ZC3H18: variants seen among roughly 807,000 people sequenced by gnomAD.
The protein encoded by ZC3H18 is zinc finger CCCH domain-containing protein 18.
In ZC3H18, 8 loss-of-function variants were observed where a neutral mutation model predicts 106.1. That is an observed-to-expected ratio of 0.08 (90% CI 0.04 to 0.14). The LOEUF (loss-of-function observed/expected upper bound fraction) is 0.14. Among genes scored for constraint, ZC3H18 ranks in the 10% least tolerant of loss-of-function variants. The pLI is 1.00. For synonymous variants in ZC3H18, 635 were observed against 522.1 expected (o/e 1.22, Z -2.95); for missense variants, 1,318 against 1,278.4 (o/e 1.03, Z -0.47).
chr16:88,631,432 G>A lies in ZC3H18; in HGVS notation c.*133G>A. On this transcript the variant is annotated 3_prime_UTR_variant, in exon 18 of 18. Transcript: ENST00000301011. ...AAAAAGAAAAAAAAGTTTCTCAGCTGGAAAAGAAGCCACACAGGAAATGAC... is the reference window on the plus strand; with the variant it reads ...AAAAAGAAAAAAAAGTTTCTCAGCTAGAAAAGAAGCCACACAGGAAATGAC... 7.8e-7 allele frequency: 1 copy of A among 1,276,870 alleles called. No homozygotes were observed. The highest frequency in any genetic ancestry group is 1.4e-5 in the South Asian group (1 of 72,914). The allele number at this position is 1,276,870 out of a possible 1,614,324, so 79.1% of individuals were successfully genotyped here. A position where few individuals can be genotyped will look rare whatever the true frequency, so the allele number is the denominator to read the frequency against.
intron 1 of ZC3H18, among the ~76,000 whole-genome samples, chr16:88,571,047 C>T (rs939098766): frequency 2.7e-4 from 41 of 152,206 alleles, no homozygotes; most frequent in African/African-American, 9.2e-4. Context: ...AGGTTGGGCG[C>T]AGTGATTGCC....
Position 88,592,669 on chromosome 16 carries a change from TTG to T in ZC3H18, c.689-5505_689-5504del, listed in dbSNP as rs752447946. Among the ~76,000 whole-genome samples, 4 of 152,194 alleles carry T rather than the reference TTG, an allele frequency of 2.6e-5. No homozygotes were observed. The South Asian group carries it at 8.3e-4, about 32-fold the overall frequency. Reference sequence around the variant, plus strand: ...TTTGTATTTTAGTAGTGGCTAAATTTTGTGTTTCAGTTGGTCAGGCTGGTCTC... The same window carrying T: ...TTTGTATTTTAGTAGTGGCTAAATTTTGTTTCAGTTGGTCAGGCTGGTCTC... On this transcript the variant is annotated intron_variant, in intron 3 of 17. Coordinates refer to ENST00000301011, the MANE Select transcript of ZC3H18 (RefSeq NM_144604.4).
chr16:88,614,939 A>G (rs975535846), intron 8 of ZC3H18, among the ~76,000 whole-genome samples: 15 of 148,790 alleles, frequency 1.0e-4, no homozygotes, highest in African/African-American at 2.2e-4. Context: ...CATTTCCTCC[A>G]TTCCGTCTGC....
chr16:88,617,721 C>G (rs1053160832), intron 8 of ZC3H18, among the ~76,000 whole-genome samples: 26 of 152,234 alleles, frequency 1.7e-4, no homozygotes, highest in African/African-American at 6.3e-4. Context: ...GCACTCGCCC[C>G]CCAGCACCTA....
chr16:88,627,507 C>A lies in ZC3H18; in HGVS notation c.2109-115C>A. ...CAGTGTCCCCCCAAAATCACACATT[C>A]CGTGGGTACATGATCCATAAATGGA... On this transcript the variant is annotated intron_variant, in intron 13 of 17. Transcript: ENST00000301011. This position sits in a 1 kb window ranked among gnomAD's most constrained non-coding sequence, Gnocchi z 4.5. 7.2e-7 allele frequency: 1 copy of A among 1,393,786 alleles called. No homozygotes were observed. Among genetic ancestry groups the A allele is most frequent in the Non-Finnish European group, 9.7e-7 (1 of 1,032,468 alleles). The allele number at this position is 1,393,786 out of a possible 1,614,324, so 86.3% of individuals were successfully genotyped here.
chr16:88,612,142 C>T (rs1226552702), intron 8 of ZC3H18, among the ~76,000 whole-genome samples: 1 of 152,186 alleles, frequency 6.6e-6, no homozygotes, highest in Non-Finnish European at 1.5e-5. Flanking sequence ...CGCTGGGGCT[C>T]AGGACAGCCC....
intron 15 of ZC3H18, 157 bp from the exon 16 acceptor site, chr16:88,628,601 C>A (rs2142837324): frequency 1.4e-6 from 1 of 733,480 alleles, no homozygotes; most frequent in Non-Finnish European, 2.3e-6. Context: ...GGTCCGGGTC[C>A]TGGAGGCCTC....
At chr16:88,579,933 C>G (rs923852117) in intron 2 of ZC3H18, among the ~76,000 whole-genome samples, 1 of 152,146 alleles carries the variant, frequency 6.6e-6, no homozygotes. Context: ...GGGCAGCAGG[C>G]CTTTAACCAA....
rs578048513 is a variant in ZC3H18 at position 88,581,292 on chromosome 16, T to G, written c.603+3566T>G. Among the ~76,000 whole-genome samples the G allele has an allele frequency of 3.9e-5, 6 of 152,312 alleles. No homozygotes were observed. In the East Asian group the frequency reaches 9.6e-4, roughly 24 times the overall value. On this transcript the variant is annotated intron_variant, in intron 2 of 17. Transcript: ENST00000301011. ...GCCAAGCCACTGTCCCTGGCCTGAT[T>G]TATCATTCTTTTTCAGAAGCGCTTT...
chr16:88,626,532 C>CTGGAGAGACATGGTCTTGCTG (rs1906319752), intron 13 of ZC3H18: 1 of 151,662 alleles, frequency 6.6e-6, no homozygotes, highest in African/African-American at 2.4e-5. Flanking sequence ...TGTTTTGTTT[C>CTGGAGAGACATGGTCTTGCTG]TGGAGAGACA....
At chr16:88,628,655 G>C in intron 15 of ZC3H18, 103 bp from the exon 16 acceptor site, 1 of 1,258,666 alleles carries the variant, frequency 7.9e-7, no homozygotes, top group Non-Finnish European at 1.1e-6. Flanking sequence ...GGGACCTTTG[G>C]GAGCAGAGCA....
intron 7 of ZC3H18, among the ~76,000 whole-genome samples, chr16:88,610,338 C>A (rs1397587547): frequency 6.6e-6 from 1 of 152,204 alleles, no homozygotes; most frequent in Non-Finnish European, 1.5e-5. Context: ...AGGAGCCCAT[C>A]AGGGTGAGCT....
At chr16:88,615,688 G>A (rs1037611286) in intron 8 of ZC3H18, among the ~76,000 whole-genome samples, 2 of 152,156 alleles carry the variant, frequency 1.3e-5, no homozygotes, top group Admixed American at 1.3e-4. Flanking sequence ...TGATATCCAC[G>A]TGGAAGGTCA....
intron 3 of ZC3H18, among the ~76,000 whole-genome samples, chr16:88,590,494 C>A (rs1191829238): frequency 1.3e-5 from 2 of 150,194 alleles, no homozygotes. Flanking sequence ...CATCAGGACA[C>A]AAAGTTCTGT....
chr16:88,598,029 A>G lies in ZC3H18; in HGVS notation c.689-149A>G, dbSNP rs915041472. On this transcript the variant is annotated intron_variant, in intron 3 of 17. Coordinates refer to ENST00000301011, the MANE Select transcript of ZC3H18 (RefSeq NM_144604.4). ...CAGCCTCTCCAGGCTCATCCCGCCC[A>G]CCTCCCCGTTCAGTTCCCACTACTG... The G allele has an allele frequency of 8.3e-6, 4 of 479,126 alleles. No homozygotes were observed. The African/African-American group carries it at 8.6e-5, about 10-fold the overall frequency. 29.7% of individuals were successfully genotyped at this position (479,126 alleles called of 1,614,324 possible). A position where few individuals can be genotyped will look rare whatever the true frequency, so the allele number is the denominator to read the frequency against.
At chr16:88,623,169 C>CAGGG in intron 9 of ZC3H18, 50 bp from the exon 10 acceptor site, 1 of 1,592,942 alleles carries the variant, frequency 6.3e-7, no homozygotes, top group Non-Finnish European at 8.5e-7. Flanking sequence ...GCGTGTGGGG[C>CAGGG]AGGGAGGGCC....
At chr16:88,588,750 C>T (rs941401450) in intron 3 of ZC3H18, among the ~76,000 whole-genome samples, 2 of 151,894 alleles carry the variant, frequency 1.3e-5, no homozygotes, top group South Asian at 2.1e-4. Flanking sequence ...TTTGGTGGCA[C>T]GCATGTGTAG....
At chr16:88,631,040 C>T in intron 17 of ZC3H18, 61 bp from the exon 18 acceptor site, 1 of 1,601,112 alleles carries the variant, frequency 6.2e-7, no homozygotes, top group Non-Finnish European at 8.5e-7. Flanking sequence ...ACGGGGAGGT[C>T]ACCCCTTCCA....
intron 2 of ZC3H18, among the ~76,000 whole-genome samples, chr16:88,578,700 CT>C (rs202009762): frequency 6.6e-6 from 1 of 151,788 alleles, no homozygotes; most frequent in Non-Finnish European, 1.5e-5. Flanking sequence ...TGCCATGCTC[CT>C]TTTTTTTGAG....
Sources: gnomAD v4.1 joint callset for allele counts (sites outside exome capture counted in the v4.1 genomes callset) on GRCh38, gnomAD v4.1.1 for gene constraint, Gnocchi (gnomAD v3.1) non-coding constraint, MANE v1.5 for transcripts, NCBI Gene and HGNC (gene_info 2026-07-23, HGNC 2026-07-21) for gene names.